DAB1: variants seen among roughly 807,000 people sequenced by gnomAD.
DAB1 encodes disabled homolog 1.
A neutral mutation model predicts 64.6 loss-of-function variants in DAB1; 15 were observed. The ratio of observed to expected loss-of-function variants is 0.23; its 90% CI spans 0.16 to 0.36. The LOEUF (loss-of-function observed/expected upper bound fraction) is 0.36, where lower values mean the gene tolerates loss of function less well. Among genes scored for constraint, DAB1 ranks in the 10% least tolerant of loss-of-function variants. DAB1 has a pLI of 1.00. For missense variants in DAB1, 596 were observed against 706.7 expected, an observed-to-expected ratio of 0.84 and a Z score of 1.78; for synonymous variants, 235 against 251.9, an observed-to-expected ratio of 0.93 and a Z score of 0.64.
intron 5 of DAB1, among the ~76,000 whole-genome samples, chr1:58,014,485 G>A (rs995638349): frequency 2.0e-5 from 3 of 152,162 alleles, no homozygotes; most frequent in African/African-American, 7.2e-5. Flanking sequence ...GCAGTTGGGT[G>A]GTTTGCTCCA....
intron 6 of DAB1, among the ~76,000 whole-genome samples, chr1:57,777,100 T>C (rs1432804532): frequency 6.6e-6 from 1 of 151,382 alleles, no homozygotes; most frequent in Non-Finnish European, 1.5e-5. Context: ...CTTTTTTTTT[T>C]TTAAAGCACG....
chr1:58,261,140 A>G (rs1039958988), intron 4 of DAB1, among the ~76,000 whole-genome samples: 2 of 152,206 alleles, frequency 1.3e-5, no homozygotes, highest in Non-Finnish European at 2.9e-5. Context: ...CATATCCCCG[A>G]GTTAAAAAAT....
At chr1:57,146,287 A>C (rs1459950976) in intron 2 of DAB1, among the ~76,000 whole-genome samples, 1 of 152,244 alleles carries the variant, frequency 6.6e-6, no homozygotes, top group Non-Finnish European at 1.5e-5. Flanking sequence ...AGTCTGAAAT[A>C]AGATGAATAC....
At chr1:57,067,364 G>A (rs1166675525) in intron 8 of DAB1, among the ~76,000 whole-genome samples, 1 of 152,160 alleles carries the variant, frequency 6.6e-6, no homozygotes, top group African/African-American at 2.4e-5. Context: ...ACAGAGGTCA[G>A]AGGGACCTGC....
intron 6 of DAB1, among the ~76,000 whole-genome samples, chr1:57,790,101 G>A (rs1650524139): frequency 6.6e-6 from 1 of 152,160 alleles, no homozygotes; most frequent in African/African-American, 2.4e-5. Flanking sequence ...TAAGAAAGTG[G>A]TAGTTGCCCC....
chr1:58,052,641 TG>T (rs1224207989), intron 5 of DAB1, among the ~76,000 whole-genome samples: 6 of 152,222 alleles, frequency 3.9e-5, no homozygotes, highest in African/African-American at 1.4e-4. Flanking sequence ...TTGGGCAGTA[TG>T]GCCATTTTCA....
intron 1 of DAB1, among the ~76,000 whole-genome samples, chr1:57,850,350 A>T (rs940777499): frequency 2.0e-5 from 3 of 152,216 alleles, no homozygotes; most frequent in Non-Finnish European, 4.4e-5. Flanking sequence ...ACCAGTAAAG[A>T]AAGCGAGGCT....
chr1:57,885,533 A>G (rs1233179793), upstream of DAB1, among the ~76,000 whole-genome samples: 1 of 152,220 alleles, frequency 6.6e-6, no homozygotes, highest in Non-Finnish European at 1.5e-5. Context: ...TTTCTATTTT[A>G]ATGAAAGCAG....
At chr1:57,052,127 G>A (rs1298388906) in intron 9 of DAB1, among the ~76,000 whole-genome samples, 1 of 135,132 alleles carries the variant, frequency 7.4e-6, no homozygotes, top group Non-Finnish European at 1.6e-5. Context: ...CTAGGGTTGT[G>A]ATTACTGGGG....
chr1:58,000,564 CTTTTTTTTTT>C (rs869176789), intron 5 of DAB1, among the ~76,000 whole-genome samples: 1 of 95,752 alleles, frequency 1.0e-5, no homozygotes, highest in Non-Finnish European at 1.9e-5. Context: ...TCTTTTTTGC[CTTTTTTTTTT>C]TTTTTTTTTT....
intron 6 of DAB1, among the ~76,000 whole-genome samples, chr1:57,791,533 T>G (rs533298808): frequency 6.6e-5 from 10 of 152,332 alleles, no homozygotes; most frequent in African/African-American, 2.4e-4. Context: ...ACTTACCGTG[T>G]GAACTTGGGC....
intron 4 of DAB1, among the ~76,000 whole-genome samples, chr1:58,240,767 G>T (rs1330854384): frequency 6.6e-6 from 1 of 152,126 alleles, no homozygotes; most frequent in Non-Finnish European, 1.5e-5. Flanking sequence ...AGACTTGGTG[G>T]TTACTGACTC....
intron 2 of DAB1, among the ~76,000 whole-genome samples, chr1:57,256,836 C>T (rs1298463789): frequency 6.6e-6 from 1 of 152,230 alleles, no homozygotes; most frequent in African/African-American, 2.4e-5. Context: ...CCAGCTCAGA[C>T]TTCCTGGACT....
chr1:57,640,451 G>A (rs1646114816), intron 7 of DAB1, among the ~76,000 whole-genome samples: 1 of 152,034 alleles, frequency 6.6e-6, no homozygotes, highest in African/African-American at 2.4e-5. Context: ...TTACAGGTAA[G>A]GGAATTGAGG....
chr1:58,162,204 T>C (rs887090550), intron 4 of DAB1, among the ~76,000 whole-genome samples: 3 of 152,134 alleles, frequency 2.0e-5, no homozygotes, highest in East Asian at 1.9e-4. Flanking sequence ...GATATTCTTA[T>C]CATGCCAAAG....
At chr1:57,455,878 A>C (rs977037231) in intron 7 of DAB1, among the ~76,000 whole-genome samples, 1 of 152,200 alleles carries the variant, frequency 6.6e-6, no homozygotes, top group East Asian at 1.9e-4. Flanking sequence ...ATTTCTAGTC[A>C]GGGATTTCTT....
chr1:57,632,704 A>G (rs1408553391), intron 7 of DAB1, among the ~76,000 whole-genome samples: 1 of 152,172 alleles, frequency 6.6e-6, no homozygotes, highest in East Asian at 1.9e-4. Context: ...TCAAGAGATA[A>G]CACCTGAAAC....
At chr1:58,064,865 G>C (rs1648752447) in intron 5 of DAB1, among the ~76,000 whole-genome samples, 1 of 152,066 alleles carries the variant, frequency 6.6e-6, no homozygotes, top group South Asian at 2.1e-4. Flanking sequence ...AGGGACTACA[G>C]GCGCCCGCCA....
intron 6 of DAB1, among the ~76,000 whole-genome samples, chr1:57,697,422 TAAAAAAAAAAAAAAAA>T (rs56655539): frequency 1.2e-4 from 7 of 57,906 alleles, no homozygotes; most frequent in African/African-American, 4.6e-4. Flanking sequence ...CTCACGTTTC[TAAAAAAAAAAAAAAAA>T]AAAAAAAAAA....
Sources: allele counts gnomAD v4.1 joint callset (sites outside exome capture counted in the v4.1 genomes callset), GRCh38; gene constraint gnomAD v4.1.1; transcripts MANE v1.5; gene names NCBI Gene and HGNC (gene_info 2026-07-23, HGNC 2026-07-21).